RBL1: variants seen among roughly 807,000 people sequenced by gnomAD.
RBL1 encodes the protein retinoblastoma-like protein 1.
A neutral mutation model predicts 123.0 loss-of-function variants in RBL1; 82 were observed. The ratio of observed to expected loss-of-function variants is 0.67; its 90% CI spans 0.56 to 0.80. The LOEUF is 0.80. Among genes scored for constraint, RBL1 ranks in the 30% least tolerant of loss-of-function variants. The probability of loss-of-function intolerance (pLI) is 0.00; values close to 1 mark genes in which losing one functional copy is unlikely to be tolerated. For missense variants in RBL1, 1,171 were observed against 1,299.6 expected (o/e 0.90, Z 1.52); for synonymous variants, 405 against 441.3 (o/e 0.92, Z 1.03).
intron 20 of RBL1, 140 bp from the exon 21 acceptor site, chr20:37,004,006 A>C (rs2064029632): frequency 1.7e-6 from 1 of 599,332 alleles, no homozygotes; most frequent in Admixed American, 4.0e-5. Context: ...AAAAAAAATG[A>C]TCCTTTACTT....
At chr20:37,010,758 C>CTGTGTG (rs141238437) in intron 19 of RBL1, among the ~76,000 whole-genome samples, 15 of 143,452 alleles carry the variant, frequency 1.0e-4, no homozygotes, top group South Asian at 2.1e-4. Flanking sequence ...TGGCACATGA[C>CTGTGTG]TATGTGTGTG....
chr20:37,007,786 T>C (rs2064098593), intron 19 of RBL1, among the ~76,000 whole-genome samples: 1 of 152,068 alleles, frequency 6.6e-6, no homozygotes, highest in Non-Finnish European at 1.5e-5. Flanking sequence ...AGACGGGGTT[T>C]TGCCATGTTG....
Position 37,035,454 on chromosome 20 carries a change from G to A in RBL1, c.1958C>T (p.Ala653Val), listed in dbSNP as rs1160579861. Reference sequence around the variant, plus strand: ...AAAGAGTCTTCTCTTAGCACTCCCTGCGGTAGGAGAACTGTAGCGTTCATG... The same window carrying A: ...AAAGAGTCTTCTCTTAGCACTCCCTACGGTAGGAGAACTGTAGCGTTCATG... ...SVHERYSSPT[A>V]GSAKRRLFGE... is the part of the protein sequence containing the mutation. Residue 653 changes from alanine (A) to valine (V), a missense_variant, in exon 15 of 22, where the codon GCA (alanine) becomes GTA (valine). Transcript: ENST00000373664. 1.2e-6 allele frequency: 2 copies of A among 1,613,192 alleles called. No homozygotes were observed. The highest frequency in any genetic ancestry group is 2.7e-5 in the African/African-American group (2 of 74,890).
chr20:37,022,973 C>A, intron 16 of RBL1, 147 bp from the exon 17 acceptor site: 1 of 647,120 alleles, frequency 1.5e-6, no homozygotes, highest in Non-Finnish European at 2.5e-6. Flanking sequence ...TAGTTCACTG[C>A]TATGGCAGGA....
intron 2 of RBL1, among the ~76,000 whole-genome samples, chr20:37,073,260 C>T (rs964184897): frequency 6.6e-6 from 1 of 152,224 alleles, no homozygotes; most frequent in Non-Finnish European, 1.5e-5. Context: ...GCTTTCCTAA[C>T]CTGGAACAAA....
At chr20:37,006,747 G>A (rs1167244848) in intron 20 of RBL1, among the ~76,000 whole-genome samples, 8 of 150,294 alleles carry the variant, frequency 5.3e-5, no homozygotes, top group African/African-American at 2.0e-4. Flanking sequence ...GGCTGAGGCA[G>A]GAGAATCACT....
In RBL1 at chr20:37,067,132, G is replaced by GAA. The variant is rs371434822; in HGVS notation, c.557-13_557-12dup. The GAA allele has an allele frequency of 5.3e-4, 760 of 1,421,522 alleles. No homozygotes were observed. The highest frequency in any genetic ancestry group is 1.4e-3 in the South Asian group (106 of 75,410). 88.1% of individuals were successfully genotyped at this position (1,421,522 alleles called of 1,614,324 possible). A position where few individuals can be genotyped will look rare whatever the true frequency, so the allele number is the denominator to read the frequency against. On this transcript the variant is annotated splice_polypyrimidine_tract_variant and intron_variant, in intron 4 of 21. Transcript: ENST00000373664. ...TCATCCGAAAATTACCTTTATAAGG[G>GAA]AAAAAAAAAAAAAAAAGACACAAAA...
intron 21 of RBL1, among the ~76,000 whole-genome samples, chr20:37,000,574 G>A (rs1270165329): frequency 8.7e-4 from 120 of 138,398 alleles, no homozygotes; most frequent in African/African-American, 3.2e-3. Flanking sequence ...CCGGCCAGCC[G>A]CCCCGTCCAG....
At position 37,080,930 on chromosome 20, in the gene RBL1, C is replaced by T. The variant is rs548963412; in HGVS notation, c.290+8059G>A. Reference sequence around the variant, plus strand: ...AAGCCTTGAGGCTAAGAAGTCAAGCCAAGGATCCATCATCAGACTGTTCCC... The same window carrying T: ...AAGCCTTGAGGCTAAGAAGTCAAGCTAAGGATCCATCATCAGACTGTTCCC... On this transcript the variant is annotated intron_variant, in intron 2 of 21. Coordinates refer to ENST00000373664, the MANE Select transcript of RBL1 (RefSeq NM_002895.5). Among the ~76,000 whole-genome samples, 12 of 152,198 alleles carry T rather than the reference C, an allele frequency of 7.9e-5. No individual in the cohort carries two copies. The South Asian group carries it at 2.5e-3, about 32-fold the overall frequency.
intron 21 of RBL1, among the ~76,000 whole-genome samples, chr20:37,000,875 C>A (rs1429140243): frequency 1.4e-5 from 2 of 141,596 alleles, no homozygotes; most frequent in Non-Finnish European, 1.5e-5. Context: ...GCCCGGCCAG[C>A]CGCCCCGTCC....
At chr20:37,015,063 CAAAAAAA>C (rs1185151735) in intron 19 of RBL1, among the ~76,000 whole-genome samples, 3 of 70,334 alleles carry the variant, frequency 4.3e-5, no homozygotes, top group East Asian at 5.8e-4. Context: ...GACTGTATCT[CAAAAAAA>C]AAAAAAAAAA....
chr20:37,011,622 A>G (rs925887714), intron 19 of RBL1, among the ~76,000 whole-genome samples: 20 of 151,694 alleles, frequency 1.3e-4, no homozygotes, highest in Non-Finnish European at 2.5e-4. Flanking sequence ...TTTAGTAAAG[A>G]TGGGGTTTCA....
chr20:36,997,085 A>G lies in RBL1; in HGVS notation c.*1674T>C, dbSNP rs1005800361. On this transcript the variant is annotated 3_prime_UTR_variant, in exon 22 of 22. Transcript: ENST00000373664. ...AAAATTAAGGTTTGCAGTTAGAAAC[A>G]TAAACATTTGATAAAACTTCTCAAA... 1 of 152,242 alleles carries G rather than the reference A, an allele frequency of 6.6e-6. No homozygotes were observed. Among genetic ancestry groups the G allele is most frequent in the Non-Finnish European group, 1.5e-5 (1 of 68,040 alleles). 9.4% of individuals were successfully genotyped at this position (152,242 alleles called of 1,614,324 possible). A position where few individuals can be genotyped will look rare whatever the true frequency, so the allele number is the denominator to read the frequency against.
intron 8 of RBL1, 94 bp from the exon 9 acceptor site, chr20:37,061,363 T>C: frequency 7.0e-7 from 1 of 1,431,654 alleles, no homozygotes; most frequent in Non-Finnish European, 9.2e-7. Flanking sequence ...TCTATTCATA[T>C]TTGTAATATC....
chr20:37,072,477 G>A (rs961602627), intron 2 of RBL1, among the ~76,000 whole-genome samples: 1 of 152,086 alleles, frequency 6.6e-6, no homozygotes, highest in African/African-American at 2.4e-5. Flanking sequence ...ACTCCAGCCT[G>A]GGCAACGAGA....
At chr20:37,026,774 G>A (rs1373455934) in intron 16 of RBL1, among the ~76,000 whole-genome samples, 3 of 151,724 alleles carry the variant, frequency 2.0e-5, no homozygotes, top group African/African-American at 7.3e-5. Context: ...GGGAGGCTGA[G>A]GTGGTGGATC....
At chr20:37,069,764 C>T (rs1234376897) in intron 2 of RBL1, among the ~76,000 whole-genome samples, 4 of 151,466 alleles carry the variant, frequency 2.6e-5, no homozygotes, top group African/African-American at 7.3e-5. Context: ...GTCAGCCCCC[C>T]GCCAGGCCAG....
chr20:37,016,114 G>A (rs2064248657), intron 19 of RBL1, among the ~76,000 whole-genome samples: 1 of 145,800 alleles, frequency 6.9e-6, no homozygotes, highest in African/African-American at 2.6e-5. Flanking sequence ...TGCAACCTCT[G>A]CCTCCTGGGT....
chr20:37,044,351 T>A (rs2064782830), intron 12 of RBL1, 101 bp from the exon 13 acceptor site: 2 of 1,211,742 alleles, frequency 1.7e-6, no homozygotes, highest in Non-Finnish European at 2.3e-6. Flanking sequence ...CTTCTTCTTT[T>A]TTTTGAGACG....
Sources: allele counts gnomAD v4.1 joint callset (sites outside exome capture counted in the v4.1 genomes callset), GRCh38; gene constraint gnomAD v4.1.1; transcripts MANE v1.5; gene names NCBI Gene and HGNC (gene_info 2026-07-23, HGNC 2026-07-21).